RNF43: variants seen among roughly 807,000 people sequenced by gnomAD.
The protein encoded by RNF43 is E3 ubiquitin-protein ligase RNF43.
RNF43 carries 37 observed loss-of-function variants against 78.4 expected under a neutral mutation model. That is an observed-to-expected ratio of 0.47 (90% CI 0.36 to 0.62). The LOEUF (loss-of-function observed/expected upper bound fraction) is 0.62, where lower values mean the gene tolerates loss of function less well. RNF43 is among the 20% of genes least tolerant of loss of function. RNF43 has a pLI of 0.00. For synonymous variants in RNF43, 347 were observed against 395.0 expected (o/e 0.88, Z 1.44); for missense variants, 774 against 1,007.9 (o/e 0.77, Z 3.14).
intron 2 of RNF43, among the ~76,000 whole-genome samples, chr17:58,380,303 A>T (rs1200290160): frequency 6.6e-6 from 1 of 152,196 alleles, no homozygotes; most frequent in Non-Finnish European, 1.5e-5. Flanking sequence ...CTTGACACAG[A>T]TGGCAAGTAT....
chr17:58,371,922 C>A (rs1020096562), intron 2 of RNF43, among the ~76,000 whole-genome samples: 11 of 152,198 alleles, frequency 7.2e-5, no homozygotes, highest in African/African-American at 2.4e-4. Context: ...GATTTGTACA[C>A]CCATTTGAAT....
At chr17:58,407,238 C>A (rs558603848) in intron 2 of RNF43, among the ~76,000 whole-genome samples, 76 of 151,878 alleles carry the variant, frequency 5.0e-4, no homozygotes, top group Non-Finnish European at 9.3e-4. Context: ...ACTACCACAC[C>A]CAGCTAATTT....
chr17:58,356,872 C>G (rs1257612220), intron 9 of RNF43: 1 of 310,180 alleles, frequency 3.2e-6, no homozygotes, highest in Non-Finnish European at 6.0e-6. Flanking sequence ...CCCCGGGGAC[C>G]ATTCCAAATG....
intron 2 of RNF43, among the ~76,000 whole-genome samples, chr17:58,405,743 A>AAAGAAAGG (rs2143660465): frequency 6.6e-6 from 1 of 151,994 alleles, no homozygotes; most frequent in Non-Finnish European, 1.5e-5. Flanking sequence ...AGAAAGAAAG[A>AAAGAAAGG]AAGAAAGAAA....
chr17:58,416,891 T>C (rs890831019), intron 1 of RNF43, 126 bp downstream of exon 1: 4 of 152,154 alleles, frequency 2.6e-5, no homozygotes, highest in Non-Finnish European at 5.9e-5. Flanking sequence ...TTTAAAAATA[T>C]TATAAAGTCT....
intron 2 of RNF43, among the ~76,000 whole-genome samples, chr17:58,402,432 A>T (rs953728896): frequency 6.6e-6 from 1 of 152,086 alleles, no homozygotes; most frequent in African/African-American, 2.4e-5. Flanking sequence ...CCTATCCATC[A>T]TTTTTTTCCC....
chr17:58,387,475 A>AC (rs1473308919), intron 2 of RNF43, among the ~76,000 whole-genome samples: 4 of 151,930 alleles, frequency 2.6e-5, no homozygotes, highest in East Asian at 1.9e-4. Flanking sequence ...ACATGGTGAA[A>AC]CCCCATCTCT....
At chr17:58,379,075 A>T (rs1287923589) in intron 2 of RNF43, among the ~76,000 whole-genome samples, 1 of 152,202 alleles carries the variant, frequency 6.6e-6, no homozygotes, top group African/African-American at 2.4e-5. Flanking sequence ...TAGTCAACCT[A>T]GTCAACACCC....
intron 2 of RNF43, among the ~76,000 whole-genome samples, chr17:58,393,489 C>T (rs907817446): frequency 2.1e-4 from 32 of 152,150 alleles, no homozygotes; most frequent in African/African-American, 7.7e-4. Context: ...ATATGATACA[C>T]ATAACATGCA....
chr17:58,362,168 C>T (rs1274223384), intron 6 of RNF43, among the ~76,000 whole-genome samples: 1 of 151,830 alleles, frequency 6.6e-6, no homozygotes, highest in Non-Finnish European at 1.5e-5. Flanking sequence ...TCAGCATTAT[C>T]ATTTTTTCTC....
intron 3 of RNF43, 33 bp downstream of exon 3, chr17:58,370,878 T>TC (rs1973078660): frequency 6.5e-7 from 1 of 1,540,086 alleles, no homozygotes; most frequent in African/African-American, 1.4e-5. Context: ...TGGGTGAAGC[T>TC]CCGGGTGTGT....
At chr17:58,401,245 C>A (rs1973793344) in intron 2 of RNF43, among the ~76,000 whole-genome samples, 1 of 152,212 alleles carries the variant, frequency 6.6e-6, no homozygotes, top group Non-Finnish European at 1.5e-5. Context: ...AGTTACTTCT[C>A]CTCCATTTGA....
rs999624418 is a variant in RNF43 at position 58,354,294 on chromosome 17, G to A, written c.*649C>T. On this transcript the variant is annotated 3_prime_UTR_variant, in exon 10 of 10. Transcript: ENST00000407977. ...ACTATTCTTATTCTCAACCCCCAGA[G>A]GAACCAAGGCTGCTGTACCCACCTC... 1 of 201,468 alleles carries A rather than the reference G, an allele frequency of 5.0e-6. No individual in the cohort carries two copies. Among genetic ancestry groups the A allele is most frequent in the Non-Finnish European group, 1.0e-5 (1 of 97,920 alleles). 12.5% of individuals were successfully genotyped at this position (201,468 alleles called of 1,614,324 possible).
rs2143383136 is a variant in RNF43, at chr17:58,357,470, G to C, written c.2306C>G (p.Pro769Arg). The C allele has an allele frequency of 1.2e-6, 2 of 1,614,224 alleles. No individual in the cohort carries two copies. Among genetic ancestry groups the C allele is most frequent in the Non-Finnish European group, 1.7e-6 (2 of 1,180,036 alleles). Reference sequence around the variant, plus strand: ...CCCACTTCCCTCTGAAAACTCACCAGGCTGGGCCGACAGCACCTGGCAGTG... The same window carrying C: ...CCCACTTCCCTCTGAAAACTCACCACGCTGGGCCGACAGCACCTGGCAGTG... Reference protein sequence around the residue: ...YPHCQVLSAQPGSEEELEELC... With the variant: ...YPHCQVLSAQRGSEEELEELC... The change falls in exon 9 of 10, where the codon CCT becomes CGT. Residue 769 changes from proline (P) to arginine (R), a missense_variant and splice_region_variant. Coordinates refer to ENST00000407977, the MANE Select transcript of RNF43 (RefSeq NM_017763.6). This position sits in a 1 kb window ranked among gnomAD's most constrained non-coding sequence, Gnocchi z 4.5.
At chr17:58,405,926 T>G (rs1333080029) in intron 2 of RNF43, among the ~76,000 whole-genome samples, 1 of 152,170 alleles carries the variant, frequency 6.6e-6, no homozygotes. Flanking sequence ...TGTCACAGAA[T>G]TTGGTACAAA....
intron 3 of RNF43, among the ~76,000 whole-genome samples, chr17:58,366,712 T>G (rs1048995128): frequency 6.6e-6 from 1 of 152,252 alleles, no homozygotes; most frequent in Non-Finnish European, 1.5e-5. Flanking sequence ...TAACAGGACC[T>G]AGTCCATAGG....
rs754864176 is a variant in RNF43, at chr17:58,357,136, C to T, written c.2308+332G>A. On this transcript the variant is annotated intron_variant, in intron 9 of 9. Transcript: ENST00000407977. The surrounding 1 kb of genome is among the most constrained non-coding windows in gnomAD (Gnocchi z 4.5). ...CTTGAACTCCTGGCCTCAAGGGATC[C>T]ACCCACCTAGGCCTCCCAAAGTTCT... 2 of 685,440 alleles carry T rather than the reference C, an allele frequency of 2.9e-6. No homozygotes were observed. Among genetic ancestry groups the T allele is most frequent in the South Asian group, 3.0e-5 (2 of 65,590 alleles). 42.5% of individuals were successfully genotyped at this position (685,440 alleles called of 1,614,324 possible). A position where few individuals can be genotyped will look rare whatever the true frequency, so the allele number is the denominator to read the frequency against.
rs1479747019 is a variant in RNF43 at position 58,415,852 on chromosome 17, C to T, written c.-275G>A. The T allele has an allele frequency of 2.1e-5, 10 of 486,922 alleles. No individual in the cohort carries two copies. Among genetic ancestry groups the T allele is most frequent in the Non-Finnish European group, 3.7e-5 (10 of 270,738 alleles). 30.2% of individuals were successfully genotyped at this position (486,922 alleles called of 1,614,324 possible). The stretch of plus-strand genomic sequence containing the variant: ...TCACTGTGACTAGTAAAGATCTCAC[C>T]ACTTCTCTTTGGAATTTCCAACTTT... On this transcript the variant is annotated 5_prime_UTR_variant, in exon 2 of 10. Transcript: ENST00000407977.
Position 58,367,363 on chromosome 17 carries a change from A to T in RNF43, c.375+3548T>A, listed in dbSNP as rs1258999219. ...CGACATGTGATTTCATTTACTCCTC[A>T]AAACTCTATAAGATAGTCATCAGCC... On this transcript the variant is annotated intron_variant, in intron 3 of 9. Coordinates refer to ENST00000407977, the MANE Select transcript of RNF43 (RefSeq NM_017763.6). Among the ~76,000 whole-genome samples, 3 of 152,116 alleles carry T rather than the reference A, an allele frequency of 2.0e-5. No individual in the cohort carries two copies. In the East Asian group the frequency reaches 5.8e-4, roughly 29 times the overall value.
Sources: gnomAD v4.1 joint callset for allele counts (sites outside exome capture counted in the v4.1 genomes callset) on GRCh38, gnomAD v4.1.1 for gene constraint, Gnocchi (gnomAD v3.1) non-coding constraint, MANE v1.5 for transcripts, NCBI Gene and HGNC (gene_info 2026-07-23, HGNC 2026-07-21) for gene names.